The following TNFRSF10B variants were observed in gnomAD, a reference collection of about 807,000 sequenced individuals.
TNFRSF10B encodes TNF receptor superfamily member 10b.
A neutral mutation model predicts 41.4 loss-of-function variants in TNFRSF10B; 35 were observed. The observed-to-expected ratio is 0.85, with a 90% CI of 0.65 to 1.12. TNFRSF10B has a LOEUF of 1.12. Ranked by LOEUF, TNFRSF10B falls within the 50% of genes most tolerant of loss-of-function variation. The probability of loss-of-function intolerance (pLI) is 0.00; values close to 1 mark genes in which losing one functional copy is unlikely to be tolerated. For missense variants in TNFRSF10B, 584 were observed against 552.7 expected, an observed-to-expected ratio of 1.06 and a Z score of -0.57; for synonymous variants, 230 against 215.5, an observed-to-expected ratio of 1.07 and a Z score of -0.59.
intron 7 of TNFRSF10B, among the ~76,000 whole-genome samples, chr8:23,024,955 G>T (rs1264312173): frequency 1.3e-5 from 2 of 151,984 alleles, no homozygotes; most frequent in African/African-American, 2.4e-5. Context: ...CAGCCTAGGC[G>T]ACATAGCGAG....
At chr8:23,066,323 G>A (rs1367093665) in intron 1 of TNFRSF10B, among the ~76,000 whole-genome samples, 1 of 151,994 alleles carries the variant, frequency 6.6e-6, no homozygotes, top group African/African-American at 2.4e-5. Flanking sequence ...ATAGATGGAA[G>A]ATATTAAAAA....
intron 1 of TNFRSF10B, among the ~76,000 whole-genome samples, chr8:23,050,301 G>A (rs529643456): frequency 8.5e-5 from 13 of 152,282 alleles, no homozygotes; most frequent in African/African-American, 2.4e-4. Flanking sequence ...TTGTTTGTGT[G>A]TCTGTCTTGT....
At chr8:23,060,449 T>C (rs1286536072) in intron 1 of TNFRSF10B, among the ~76,000 whole-genome samples, 1 of 152,226 alleles carries the variant, frequency 6.6e-6, no homozygotes, top group Non-Finnish European at 1.5e-5. Context: ...AATTTGGCCA[T>C]ATATGTGAGT....
chr8:23,032,266 T>C (rs1285832544), intron 2 of TNFRSF10B, among the ~76,000 whole-genome samples: 1 of 152,174 alleles, frequency 6.6e-6, no homozygotes, highest in Non-Finnish European at 1.5e-5. Context: ...CTGTTCTGAA[T>C]GAGCTCCTAG....
Position 23,061,167 on chromosome 8 carries a change from A to G in TNFRSF10B, c.144+7584T>C, listed in dbSNP as rs1038744516. On this transcript the variant is annotated intron_variant, in intron 1 of 8. Transcript: ENST00000276431. ...TTTTACACCTTCATCATGACATAAT[A>G]TGGTTCAGTGAAGTTAAATCAAGCA... Among the ~76,000 whole-genome samples the G allele has an allele frequency of 3.3e-5, 5 of 152,352 alleles. No homozygotes were observed. The South Asian group carries it at 6.2e-4, about 19-fold the overall frequency.
Position 23,021,751 on chromosome 8 carries a change from G to T in TNFRSF10B, c.*920C>A, listed in dbSNP as rs1329954408. The stretch of plus-strand genomic sequence containing the variant: ...TAAGGTTGTCCAGTTCAAAAGACTG[G>T]CCCCTGTAGAAGTTGCCAATCATTG... On this transcript the variant is annotated 3_prime_UTR_variant, in exon 9 of 9. Transcript: ENST00000276431. 1 of 453,986 alleles carries T rather than the reference G, an allele frequency of 2.2e-6. No individual in the cohort carries two copies. Among genetic ancestry groups the T allele is most frequent in the Non-Finnish European group, 4.4e-6 (1 of 226,804 alleles). 28.1% of individuals were successfully genotyped at this position (453,986 alleles called of 1,614,324 possible). A position where few individuals can be genotyped will look rare whatever the true frequency, so the allele number is the denominator to read the frequency against.
In TNFRSF10B at chr8:23,021,577, G is replaced by A; in HGVS notation, c.*1094C>T. The stretch of plus-strand genomic sequence containing the variant: ...TGTGTGATCTAACCCATCTGCCTCT[G>A]TCCCAGCCTGTCCATAGATGGGGGC... On this transcript the variant is annotated 3_prime_UTR_variant, in exon 9 of 9. Coordinates refer to ENST00000276431, the MANE Select transcript of TNFRSF10B (RefSeq NM_003842.5). 1 of 454,132 alleles carries A rather than the reference G, an allele frequency of 2.2e-6. No individual in the cohort carries two copies. Among genetic ancestry groups the A allele is most frequent in the Non-Finnish European group, 4.4e-6 (1 of 226,798 alleles). 28.1% of individuals were successfully genotyped at this position (454,132 alleles called of 1,614,324 possible).
chr8:23,024,019 G>A (rs74655221), intron 8 of TNFRSF10B, among the ~76,000 whole-genome samples, 169 bp downstream of exon 8: 3,331 of 152,222 alleles, frequency 0.022, 41 homozygotes, highest in South Asian at 0.044. Context: ...GTAGAGTGGG[G>A]AGAAGAGATG....
In TNFRSF10B at chr8:23,021,629, T is replaced by TAGGG. The variant is rs1168630424; in HGVS notation, c.*1038_*1041dup. On this transcript the variant is annotated 3_prime_UTR_variant, in exon 9 of 9. Coordinates refer to ENST00000276431, the MANE Select transcript of TNFRSF10B (RefSeq NM_003842.5). ...ATGGGTGCAAATGAGACTGCCCAGGTAGGGACCAGCCACACACAGGACTTC... is the reference window on the plus strand; with the variant it reads ...ATGGGTGCAAATGAGACTGCCCAGGTAGGGAGGGACCAGCCACACACAGGACTTC... 2 of 454,136 alleles carry TAGGG rather than the reference T, an allele frequency of 4.4e-6. No individual in the cohort carries two copies. The allele number at this position is 454,136 out of a possible 1,614,324, so 28.1% of individuals were successfully genotyped here. A position where few individuals can be genotyped will look rare whatever the true frequency, so the allele number is the denominator to read the frequency against.
At position 23,034,693 on chromosome 8, in the gene TNFRSF10B, T is replaced by C. The variant is rs566776778; in HGVS notation, c.251-3821A>G. Among the ~76,000 whole-genome samples, 5 of 152,328 alleles carry C rather than the reference T, an allele frequency of 3.3e-5. No homozygotes were observed. In the South Asian group the frequency reaches 1.0e-3, roughly 32 times the overall value. ...GTGTGCTATGATTGTGCCACTGCAC[T>C]CCAGCCTGGGTGACAGAGTGATACC... On this transcript the variant is annotated intron_variant, in intron 2 of 8. Coordinates refer to ENST00000276431, the MANE Select transcript of TNFRSF10B (RefSeq NM_003842.5).
At position 23,022,614 on chromosome 8, in the gene TNFRSF10B, C is replaced by G. The variant is rs781513185; in HGVS notation, c.*57G>C. ...TCCTACTGACTGGAGTCCAGTTGGG[C>G]TTTTTCCAGAAAAAAGGTAAACCAG... On this transcript the variant is annotated 3_prime_UTR_variant, in exon 9 of 9. Transcript: ENST00000276431. The G allele has an allele frequency of 6.2e-7, 1 of 1,604,472 alleles. No individual in the cohort carries two copies. Among genetic ancestry groups the G allele is most frequent in the Admixed American group, 1.7e-5 (1 of 59,586 alleles).
chr8:23,036,393 C>G (rs910649269), intron 2 of TNFRSF10B, among the ~76,000 whole-genome samples: 3 of 152,164 alleles, frequency 2.0e-5, no homozygotes, highest in African/African-American at 7.2e-5. Flanking sequence ...CTTTCTTTTG[C>G]CTGGCCTGCA....
chr8:23,043,738 G>A lies in TNFRSF10B; in HGVS notation c.145-495C>T, dbSNP rs138505167. ...ATAGTGAACTTCTGATTTAAAAGGT[G>A]CCTGACATATAGACCAGAGAGCCCA... On this transcript the variant is annotated intron_variant, in intron 1 of 8. Transcript: ENST00000276431. 6.6e-5 allele frequency among the ~76,000 whole-genome samples: 10 copies of A among 152,290 alleles called. No individual in the cohort carries two copies. In the East Asian group the frequency reaches 1.9e-3, roughly 29 times the overall value.
chr8:23,066,628 C>A (rs1812988217), intron 1 of TNFRSF10B, among the ~76,000 whole-genome samples: 1 of 152,112 alleles, frequency 6.6e-6, no homozygotes, highest in South Asian at 2.1e-4. Flanking sequence ...ATAAACTCGG[C>A]TGGGCGTGGT....
At chr8:23,063,617 C>T (rs545714621) in intron 1 of TNFRSF10B, among the ~76,000 whole-genome samples, 4 of 152,240 alleles carry the variant, frequency 2.6e-5, no homozygotes, top group Non-Finnish European at 4.4e-5. Flanking sequence ...CACCGGCCTG[C>T]GTTATCATCA....
intron 3 of TNFRSF10B, among the ~76,000 whole-genome samples, chr8:23,030,462 G>A (rs1047330621): frequency 5.3e-5 from 8 of 151,998 alleles, no homozygotes; most frequent in East Asian, 1.9e-4. Context: ...ACAGGCACGC[G>A]CCACCATGCC....
rs1054471863 is a variant in TNFRSF10B, at chr8:23,021,107, A to G, written c.*1564T>C. On this transcript the variant is annotated 3_prime_UTR_variant, in exon 9 of 9. Transcript: ENST00000276431. Reference sequence around the variant, plus strand: ...AAGACCAAAAACTCCTGGAATGACTACCTGCATAAATGATCCTTCCATGAC... The same window carrying G: ...AAGACCAAAAACTCCTGGAATGACTGCCTGCATAAATGATCCTTCCATGAC... The G allele has an allele frequency of 6.6e-6, 3 of 454,012 alleles. No homozygotes were observed. Among genetic ancestry groups the G allele is most frequent in the African/African-American group, 4.0e-5 (2 of 50,016 alleles). 28.1% of individuals were successfully genotyped at this position (454,012 alleles called of 1,614,324 possible). A position where few individuals can be genotyped will look rare whatever the true frequency, so the allele number is the denominator to read the frequency against.
At position 23,021,757 on chromosome 8, in the gene TNFRSF10B, G is replaced by A. The variant is rs1811529753; in HGVS notation, c.*914C>T. The stretch of plus-strand genomic sequence containing the variant: ...TGTCCAGTTCAAAAGACTGGCCCCT[G>A]TAGAAGTTGCCAATCATTGAAGCCA... On this transcript the variant is annotated 3_prime_UTR_variant, in exon 9 of 9. Transcript: ENST00000276431. 1 of 454,016 alleles carries A rather than the reference G, an allele frequency of 2.2e-6. No homozygotes were observed. The highest frequency in any genetic ancestry group is 2.3e-5 in the Admixed American group (1 of 42,560). 28.1% of individuals were successfully genotyped at this position (454,016 alleles called of 1,614,324 possible). A position where few individuals can be genotyped will look rare whatever the true frequency, so the allele number is the denominator to read the frequency against.
intron 2 of TNFRSF10B, among the ~76,000 whole-genome samples, chr8:23,031,478 C>T (rs1811881979): frequency 1.3e-5 from 2 of 151,970 alleles, no homozygotes; most frequent in Non-Finnish European, 2.9e-5. Context: ...ACTGCACCCT[C>T]GACCTCCCGG....
Sources: allele counts gnomAD v4.1 joint callset (sites outside exome capture counted in the v4.1 genomes callset), GRCh38; gene constraint gnomAD v4.1.1; transcripts MANE v1.5; gene names NCBI Gene and HGNC (gene_info 2026-07-23, HGNC 2026-07-21).